ATP10B: variants seen among roughly 807,000 people sequenced by gnomAD.
ATP10B encodes the protein phospholipid-transporting ATPase VB.
A neutral mutation model predicts 141.2 loss-of-function variants in ATP10B; 122 were observed. The ratio of observed to expected loss-of-function variants is 0.86; its 90% CI spans 0.75 to 1.00. ATP10B has a LOEUF of 1.00. Ranked by LOEUF, ATP10B falls within the 50% of genes least tolerant of loss-of-function variation. The pLI, the probability that ATP10B is intolerant of heterozygous loss-of-function variation, is 0.00. For missense variants in ATP10B, 1,876 were observed against 1,825.3 expected (o/e 1.03, Z -0.51); for synonymous variants, 685 against 692.0 (o/e 0.99, Z 0.16).
chr5:160,685,232 G>A (rs575880335), intron 6 of ATP10B: 1 of 567,372 alleles, frequency 1.8e-6, no homozygotes, highest in African/African-American at 1.9e-5. Context: ...TCTGCTCAAT[G>A]TTGTCTTTTT....
chr5:160,645,745 C>A (rs996138192), intron 8 of ATP10B, among the ~76,000 whole-genome samples: 1 of 152,032 alleles, frequency 6.6e-6, no homozygotes, highest in African/African-American at 2.4e-5. Flanking sequence ...AATAATAATC[C>A]GAACTCTTAG....
chr5:160,893,846 AAC>A, the ATP10B span, among the ~76,000 whole-genome samples: 7 of 152,164 alleles, frequency 4.6e-5, no homozygotes, highest in African/African-American at 1.7e-4. Context: ...CCAGAGGAAG[AAC>A]ACACAGCAAT....
rs1018550011 is a variant in ATP10B at position 160,808,410 on chromosome 5, G to A, written c.-575-22607C>T. Among the ~76,000 whole-genome samples, 4 of 152,312 alleles carry A rather than the reference G, an allele frequency of 2.6e-5. No homozygotes were observed. The South Asian group carries it at 8.3e-4, about 32-fold the overall frequency. ...GAGTTATCAGAGGATCCTATACCAT[G>A]AGCATGGCTTTGGTGACTTCAAAAC... On this transcript the variant is annotated intron_variant, in intron 1 of 25. Transcript: ENST00000327245.
At chr5:160,816,190 T>TAAAAAACCCTAC (rs536526439) in intron 1 of ATP10B, among the ~76,000 whole-genome samples, 1 of 108,594 alleles carries the variant, frequency 9.2e-6, no homozygotes, top group African/African-American at 2.8e-5. Context: ...AAGAGAGACA[T>TAAAAAACCCTAC]AAAAAATGAA....
At chr5:160,645,299 G>A (rs1183792392) in intron 8 of ATP10B, among the ~76,000 whole-genome samples, 1 of 152,144 alleles carries the variant, frequency 6.6e-6, no homozygotes, top group Non-Finnish European at 1.5e-5. Context: ...TCAGCTTCTG[G>A]GGACCTGAAC....
intron 3 of ATP10B, among the ~76,000 whole-genome samples, chr5:160,696,621 G>C (rs1764377656): frequency 6.6e-6 from 1 of 152,132 alleles, no homozygotes; most frequent in East Asian, 1.9e-4. Context: ...CACTCACCCA[G>C]AAAGGATCAG....
intron 2 of ATP10B, among the ~76,000 whole-genome samples, chr5:160,749,587 T>C (rs544548478): frequency 1.3e-5 from 2 of 152,308 alleles, no homozygotes; most frequent in African/African-American, 4.8e-5. Flanking sequence ...AATGAGAATT[T>C]AAGCAACTTG....
upstream of ATP10B, among the ~76,000 whole-genome samples, chr5:160,856,781 T>C (rs1171461332): frequency 6.6e-6 from 1 of 151,866 alleles, no homozygotes; most frequent in Non-Finnish European, 1.5e-5. Context: ...AGTTTTTTCC[T>C]GCATTAATTC....
At chr5:160,739,071 A>G (rs1189072250) in intron 2 of ATP10B, among the ~76,000 whole-genome samples, 1 of 152,230 alleles carries the variant, frequency 6.6e-6, no homozygotes, top group East Asian at 1.9e-4. Flanking sequence ...TCATATTAAT[A>G]ACGCAAAGGA....
At chr5:160,573,303 C>G (rs1754993739) in intron 24 of ATP10B, among the ~76,000 whole-genome samples, 1 of 152,224 alleles carries the variant, frequency 6.6e-6, no homozygotes, top group South Asian at 2.1e-4. Flanking sequence ...GAATCAGCTG[C>G]TGCACTGATC....
chr5:160,623,284 G>C (rs1177511177), intron 13 of ATP10B, among the ~76,000 whole-genome samples: 2 of 152,172 alleles, frequency 1.3e-5, no homozygotes, highest in East Asian at 1.9e-4. Flanking sequence ...TCTTTCTCCT[G>C]AACCACAATA....
At chr5:160,789,560 A>G (rs565119001) in intron 1 of ATP10B, among the ~76,000 whole-genome samples, 2 of 152,316 alleles carry the variant, frequency 1.3e-5, no homozygotes, top group East Asian at 3.9e-4. Context: ...TGGGACCACT[A>G]TTGTATCTGT....
Position 160,734,032 on chromosome 5 carries a change from C to T in ATP10B, c.-330-16998G>A, listed in dbSNP as rs189643671. On this transcript the variant is annotated intron_variant, in intron 2 of 25. Coordinates refer to ENST00000327245, the MANE Select transcript of ATP10B (RefSeq NM_025153.3). ...CTGAGGCAGGAGAATCACTTGAACCCGGGAGGTGGAGGTTGCAGTGAGCCG... is the reference window on the plus strand; with the variant it reads ...CTGAGGCAGGAGAATCACTTGAACCTGGGAGGTGGAGGTTGCAGTGAGCCG... Among the ~76,000 whole-genome samples the T allele has an allele frequency of 6.8e-3, 987 of 144,948 alleles. 8 individuals carry two copies. Among genetic ancestry groups the T allele is most frequent in the Admixed American group, 0.01 (143 of 14,068 alleles).
chr5:160,895,117 C>A, the ATP10B span, among the ~76,000 whole-genome samples: 1 of 152,116 alleles, frequency 6.6e-6, no homozygotes, highest in Admixed American at 6.5e-5. Flanking sequence ...ATTTTAAAGA[C>A]CATCGAAATT....
chr5:160,657,533 C>G (rs1284644864), intron 7 of ATP10B, among the ~76,000 whole-genome samples: 2 of 152,126 alleles, frequency 1.3e-5, no homozygotes, highest in Non-Finnish European at 2.9e-5. Flanking sequence ...GGGAGACTAT[C>G]TTAAGGATTT....
chr5:160,925,992 T>C, the ATP10B span, among the ~76,000 whole-genome samples: 3 of 152,206 alleles, frequency 2.0e-5, no homozygotes, highest in African/African-American at 7.2e-5. Flanking sequence ...CCAGGTAATA[T>C]AGCCCAGTAG....
intron 2 of ATP10B, among the ~76,000 whole-genome samples, chr5:160,776,520 G>A (rs1770335699): frequency 6.6e-6 from 1 of 152,168 alleles, no homozygotes; most frequent in Non-Finnish European, 1.5e-5. Context: ...TGTAGCTGGT[G>A]TAACTGATAT....
chr5:160,892,181 C>T, the ATP10B span, among the ~76,000 whole-genome samples: 1 of 152,194 alleles, frequency 6.6e-6, no homozygotes, highest in African/African-American at 2.4e-5. Context: ...CGCATTTAGA[C>T]TAAAACCCAA....
At chr5:160,694,063 G>A (rs142392203) in intron 3 of ATP10B, among the ~76,000 whole-genome samples, 40 of 152,326 alleles carry the variant, frequency 2.6e-4, no homozygotes, top group African/African-American at 9.4e-4. Flanking sequence ...GAGTGCCAGG[G>A]AAATGACACA....
Sources: gnomAD v4.1 joint callset for allele counts (sites outside exome capture counted in the v4.1 genomes callset) on GRCh38, gnomAD v4.1.1 for gene constraint, MANE v1.5 for transcripts, NCBI Gene and HGNC (gene_info 2026-07-23, HGNC 2026-07-21) for gene names.